Variants in P2RY14 observed in about 807,000 individuals in gnomAD.
P2RY14 encodes purinergic receptor P2Y14, also known as P2Y purinoceptor 14.
P2RY14 carries 2 observed loss-of-function variants against 0.9 expected under a neutral mutation model. The observed-to-expected ratio is 2.16, with a 90% confidence interval of 0.88 to 6.79. The LOEUF (loss-of-function observed/expected upper bound fraction) is 6.79, where lower values mean the gene tolerates loss of function less well. Among genes scored for constraint, P2RY14 ranks in the 30% most tolerant of loss-of-function variants. The probability of loss-of-function intolerance (pLI) is 0.05; values close to 1 mark genes in which losing one functional copy is unlikely to be tolerated. For synonymous variants in P2RY14, 158 were observed against 147.2 expected, an observed-to-expected ratio of 1.07 and a Z score of -0.53; for missense variants, 378 against 400.1, an observed-to-expected ratio of 0.94 and a Z score of 0.47.
chr3:151,232,640 T>C (rs1731919308), intron 1 of P2RY14, among the ~76,000 whole-genome samples: 2 of 152,186 alleles, frequency 1.3e-5, no homozygotes. Flanking sequence ...CTTGTGGGAA[T>C]ATGGATGGAG....
chr3:151,216,743 C>G (rs771697335), intron 2 of P2RY14, among the ~76,000 whole-genome samples: 1 of 152,150 alleles, frequency 6.6e-6, no homozygotes, highest in Non-Finnish European at 1.5e-5. Context: ...GGTCTTCTAT[C>G]GCCTTTCTCC....
chr3:151,232,427 C>T (rs1251329012), intron 1 of P2RY14, among the ~76,000 whole-genome samples: 1 of 152,158 alleles, frequency 6.6e-6, no homozygotes, highest in Non-Finnish European at 1.5e-5. Context: ...CCAGCCATCC[C>T]ATTACTGGGT....
At chr3:151,240,156 C>G (rs565054966) in intron 1 of P2RY14, among the ~76,000 whole-genome samples, 1 of 152,014 alleles carries the variant, frequency 6.6e-6, no homozygotes, top group Non-Finnish European at 1.5e-5. Flanking sequence ...GGAGTGGCCC[C>G]GTTTTTTAGA....
At chr3:151,215,784 G>T (rs1728098946) in intron 2 of P2RY14, among the ~76,000 whole-genome samples, 1 of 152,120 alleles carries the variant, frequency 6.6e-6, no homozygotes, top group South Asian at 2.1e-4. Context: ...CTGTAATGTT[G>T]AAGTCCTTTC....
At position 151,213,419 on chromosome 3, in the gene P2RY14, G is replaced by C; in HGVS notation, c.898C>G (p.Gln300Glu). Residue 300 changes from glutamine (Q) to glutamate (E), a missense_variant, in exon 3 of 3, where the codon CAG becomes GAG. By Grantham distance (29) the Gln-to-Glu change is conservative. Coordinates refer to ENST00000309170, the MANE Select transcript of P2RY14 (RefSeq NM_014879.4). ...TTACATAAGATTTCCCTAAACGGCT[G>C]GCATAGAAAGAAATAAATAATAGGG... ...LDPIIYFFLC[Q>E]PFREILCKKL... is the part of the protein sequence containing the mutation. 6.2e-7 allele frequency: 1 copy of C among 1,614,080 alleles called. No homozygotes were observed. Among genetic ancestry groups the C allele is most frequent in the Non-Finnish European group, 8.5e-7 (1 of 1,179,948 alleles).
At chr3:151,230,000 C>T (rs950352923) in intron 1 of P2RY14, among the ~76,000 whole-genome samples, 5 of 151,902 alleles carry the variant, frequency 3.3e-5, no homozygotes, top group Admixed American at 6.6e-5. Context: ...TATGGAGTCT[C>T]GCTCTGTTGC....
intron 1 of P2RY14, among the ~76,000 whole-genome samples, chr3:151,253,915 G>C (rs1245595375): frequency 6.6e-6 from 1 of 151,910 alleles, no homozygotes; most frequent in East Asian, 1.9e-4. Flanking sequence ...TAATCAGTGA[G>C]GACCTCCACT....
chr3:151,258,696 A>C (rs891311524), intron 1 of P2RY14, among the ~76,000 whole-genome samples: 1 of 151,896 alleles, frequency 6.6e-6, no homozygotes, highest in Non-Finnish European at 1.5e-5. Context: ...CTAAAAATAC[A>C]AAAAAATTAG....
At chr3:151,242,031 G>A (rs990756839) in intron 1 of P2RY14, among the ~76,000 whole-genome samples, 1 of 152,098 alleles carries the variant, frequency 6.6e-6, no homozygotes, top group South Asian at 2.1e-4. Context: ...CTGGAAAATC[G>A]GGTCACTCCC....
chr3:151,249,832 A>G (rs1227906791), intron 1 of P2RY14, among the ~76,000 whole-genome samples: 1 of 152,184 alleles, frequency 6.6e-6, no homozygotes, highest in Non-Finnish European at 1.5e-5. Flanking sequence ...GGATTAATAC[A>G]GTCATAATAC....
chr3:151,246,827 A>G (rs1447456207), intron 1 of P2RY14, among the ~76,000 whole-genome samples: 1 of 152,254 alleles, frequency 6.6e-6, no homozygotes, highest in Non-Finnish European at 1.5e-5. Context: ...ATCAGAGTGA[A>G]CAGGCAGCCT....
intron 1 of P2RY14, among the ~76,000 whole-genome samples, chr3:151,237,824 G>C (rs528354609): frequency 6.6e-6 from 1 of 152,112 alleles, no homozygotes; most frequent in East Asian, 1.9e-4. Context: ...AAATGATATG[G>C]GCATCTCTTC....
chr3:151,245,489 C>T (rs1473247394), intron 1 of P2RY14, among the ~76,000 whole-genome samples: 12 of 141,988 alleles, frequency 8.5e-5, no homozygotes. Flanking sequence ...AAATGTAATC[C>T]AGCATATAAA....
At chr3:151,222,104 G>A (rs976406983) in intron 1 of P2RY14, among the ~76,000 whole-genome samples, 3 of 152,234 alleles carry the variant, frequency 2.0e-5, no homozygotes, top group Non-Finnish European at 4.4e-5. Flanking sequence ...GGACTTGGAT[G>A]GGGCCTGTAG....
At chr3:151,256,378 T>TTTACTC (rs1737819865) in intron 1 of P2RY14, among the ~76,000 whole-genome samples, 2 of 152,196 alleles carry the variant, frequency 1.3e-5, no homozygotes, top group African/African-American at 4.8e-5. Context: ...TCATCTGTGC[T>TTTACTC]TTACTCTGTG....
rs1342611702 is a variant in P2RY14, at chr3:151,213,857, C to T, written c.460G>A (p.Val154Ile). Reference protein sequence around the residue: ...IVWMLMLLLAVPNIILTNQSV... With the variant: ...IVWMLMLLLAIPNIILTNQSV... Reference sequence around the variant, plus strand: ...TGGTTGGTGAGAATAATATTTGGAACAGCAAGGAGGAGCATGAGCATCCAT... The same window carrying T: ...TGGTTGGTGAGAATAATATTTGGAATAGCAAGGAGGAGCATGAGCATCCAT... The change falls in exon 3 of 3, where the codon GTT becomes ATT. Residue 154 changes from valine to isoleucine, a missense_variant. Transcript: ENST00000309170. 2.5e-6 allele frequency: 4 copies of T among 1,613,952 alleles called. No individual in the cohort carries two copies. Among genetic ancestry groups the T allele is most frequent in the Admixed American group, 1.7e-5 (1 of 59,992 alleles).
rs1727477093 is a variant in P2RY14, at chr3:151,213,251, G to A, written c.*49C>T. On this transcript the variant is annotated 3_prime_UTR_variant, in exon 3 of 3. Transcript: ENST00000309170. Reference sequence around the variant, plus strand: ...TCTTATTGATTTCTGTTATGTAATTGAAGATGACAACATGCACACGTGGTC... The same window carrying A: ...TCTTATTGATTTCTGTTATGTAATTAAAGATGACAACATGCACACGTGGTC... The A allele has an allele frequency of 7.3e-7, 1 of 1,373,810 alleles. No individual in the cohort carries two copies. The highest frequency in any genetic ancestry group is 2.3e-5 in the East Asian group (1 of 43,668). The allele number at this position is 1,373,810 out of a possible 1,614,324, so 85.1% of individuals were successfully genotyped here. A position where few individuals can be genotyped will look rare whatever the true frequency, so the allele number is the denominator to read the frequency against.
chr3:151,229,083 T>C (rs1255491721), intron 1 of P2RY14, among the ~76,000 whole-genome samples: 4 of 152,166 alleles, frequency 2.6e-5, no homozygotes, highest in African/African-American at 4.8e-5. Flanking sequence ...TATCAACCAC[T>C]TGTGTGTTTG....
chr3:151,248,980 G>A (rs535655740), intron 1 of P2RY14: 1 of 152,334 alleles, frequency 6.6e-6, no homozygotes, highest in Non-Finnish European at 1.5e-5. Context: ...GTGTTGACCA[G>A]TGGGAAACAC....
Sources: gnomAD v4.1 joint callset for allele counts (sites outside exome capture counted in the v4.1 genomes callset) on GRCh38, gnomAD v4.1.1 for gene constraint, MANE v1.5 for transcripts, NCBI Gene and HGNC (gene_info 2026-07-23, HGNC 2026-07-21) for gene names.